The following SHANK2 variants were observed in gnomAD, a reference collection of about 807,000 sequenced individuals.
SHANK2 encodes the protein SH3 and multiple ankyrin repeat domains protein 2.
SHANK2 carries 43 observed loss-of-function variants against 133.7 expected under a neutral mutation model. The ratio of observed to expected loss-of-function variants is 0.32; its 90% confidence interval spans 0.25 to 0.41. SHANK2 has a LOEUF of 0.41. Among genes scored for constraint, SHANK2 ranks in the 10% least tolerant of loss-of-function variants. SHANK2 has a pLI of 1.00. For synonymous variants in SHANK2, 1,017 were observed against 952.8 expected, an observed-to-expected ratio of 1.07 and a Z score of -1.24; for missense variants, 1,994 against 2,235.8, an observed-to-expected ratio of 0.89 and a Z score of 2.18.
intron 17 of SHANK2, among the ~76,000 whole-genome samples, chr11:70,588,668 G>A (rs1202837938): frequency 8.5e-5 from 13 of 152,240 alleles, no homozygotes; most frequent in Admixed American, 8.5e-4. Context: ...CTTCCATCAA[G>A]TTTAAGAAAA....
chr11:71,088,439 G>A (rs1376351566), intron 8 of SHANK2, among the ~76,000 whole-genome samples: 2 of 152,160 alleles, frequency 1.3e-5, no homozygotes, highest in East Asian at 3.9e-4. Context: ...TGACAGTTCT[G>A]TTCACGTGAA....
At chr11:71,111,358 G>A (rs920738755) in intron 5 of SHANK2, among the ~76,000 whole-genome samples, 2 of 152,194 alleles carry the variant, frequency 1.3e-5, no homozygotes, top group Non-Finnish European at 1.5e-5. Flanking sequence ...CCTGGTCCCC[G>A]AGTGGCTCAA....
chr11:70,812,659 C>A (rs1261845973), intron 12 of SHANK2, among the ~76,000 whole-genome samples: 2 of 152,240 alleles, frequency 1.3e-5, no homozygotes, highest in African/African-American at 4.8e-5. Context: ...CCATAGTCAG[C>A]AGCAGAAGCC....
At chr11:70,590,118 C>A (rs782439205) in intron 17 of SHANK2, among the ~76,000 whole-genome samples, 3 of 152,086 alleles carry the variant, frequency 2.0e-5, no homozygotes, top group Non-Finnish European at 4.4e-5. Flanking sequence ...TCAGAGATTG[C>A]GTCACTGCAC....
rs139877705 is a variant in SHANK2, at chr11:70,924,867, C to T, written c.1108-28300G>A. 2.9e-4 allele frequency among the ~76,000 whole-genome samples: 44 copies of T among 152,300 alleles called. No individual in the cohort carries two copies. In the East Asian group the frequency reaches 4.2e-3, roughly 15 times the overall value. On this transcript the variant is annotated intron_variant, in intron 10 of 25. Transcript: ENST00000601538. ...CAGAGAACAGATAAAGGAAAAGCTA[C>T]GCAGACAGCACAGGGTCTGCCACTC... is the stretch of plus-strand genomic sequence containing the variant.
chr11:70,892,656 C>T (rs1403463604), intron 11 of SHANK2, among the ~76,000 whole-genome samples: 1 of 152,166 alleles, frequency 6.6e-6, no homozygotes, highest in African/African-American at 2.4e-5. Context: ...TGGAAAAGTC[C>T]TGAATTTAAG....
chr11:71,129,142 C>G (rs1442177906), intron 3 of SHANK2, among the ~76,000 whole-genome samples: 13 of 152,186 alleles, frequency 8.5e-5, no homozygotes, highest in African/African-American at 3.1e-4. Flanking sequence ...TGGCATTGAA[C>G]AGCATTGGAT....
At chr11:70,942,381 CA>C (rs1950660380) in intron 10 of SHANK2, among the ~76,000 whole-genome samples, 1 of 152,024 alleles carries the variant, frequency 6.6e-6, no homozygotes, top group Non-Finnish European at 1.5e-5. Context: ...TATAACAAGC[CA>C]TTCTTATGGG....
chr11:71,079,333 T>C (rs1466324617), intron 8 of SHANK2, among the ~76,000 whole-genome samples: 1 of 152,230 alleles, frequency 6.6e-6, no homozygotes, highest in Non-Finnish European at 1.5e-5. Context: ...GATCCTCTTC[T>C]ATCAGGGATG....
chr11:70,774,305 G>C (rs538573648), intron 14 of SHANK2, among the ~76,000 whole-genome samples: 1 of 151,874 alleles, frequency 6.6e-6, no homozygotes, highest in African/African-American at 2.4e-5. Context: ...CCGGTAAAGG[G>C]GAAATCGGGG....
intron 14 of SHANK2, among the ~76,000 whole-genome samples, chr11:70,771,753 A>G (rs1947255847): frequency 1.3e-5 from 2 of 152,174 alleles, no homozygotes; most frequent in East Asian, 3.9e-4. Context: ...CACTGTGGCC[A>G]CACACGGCCA....
intron 17 of SHANK2, among the ~76,000 whole-genome samples, chr11:70,567,582 G>A (rs1489471937): frequency 4.6e-5 from 7 of 151,548 alleles, no homozygotes; most frequent in African/African-American, 9.7e-5. Context: ...AGCCAAGGTC[G>A]CACTACTGCA....
At chr11:70,534,471 T>G (rs1183677689) in intron 17 of SHANK2, among the ~76,000 whole-genome samples, 7 of 152,098 alleles carry the variant, frequency 4.6e-5, no homozygotes, top group African/African-American at 1.7e-4. Flanking sequence ...CCAAACCATA[T>G]CAGGCAGTAA....
chr11:70,545,473 AGC>A (rs1554976144), intron 17 of SHANK2, among the ~76,000 whole-genome samples: 1 of 151,992 alleles, frequency 6.6e-6, no homozygotes, highest in Non-Finnish European at 1.5e-5. Flanking sequence ...CGCCCACCTC[AGC>A]GCCCACTGCA....
rs371595099 is a variant in SHANK2 at position 70,889,956 on chromosome 11, G to A, written c.1174+6545C>T. 3.5e-4 allele frequency among the ~76,000 whole-genome samples: 54 copies of A among 152,292 alleles called. 1 individual carries two copies. The East Asian group carries it at 5.4e-3, about 15-fold the overall frequency. ...TGCAACAGCCAGAGAAGCAACGTGT[G>A]TGGAAAAGCCTGTTTTCCTGAGCGG... is the stretch of plus-strand genomic sequence containing the variant. On this transcript the variant is annotated intron_variant, in intron 11 of 25. Coordinates refer to ENST00000601538, the MANE Select transcript of SHANK2 (RefSeq NM_012309.5).
intron 17 of SHANK2, among the ~76,000 whole-genome samples, chr11:70,618,013 TCAGGCTGGGCA>T (rs1232209438): frequency 6.6e-6 from 1 of 152,150 alleles, no homozygotes; most frequent in East Asian, 1.9e-4. Flanking sequence ...GATGTTTGAT[TCAGGCTGGGCA>T]CAGTGGCTCA....
rs112497741 is a variant in SHANK2, at chr11:70,698,759, G to T, written c.1782C>A (p.Thr594=). 1.4e-6 allele frequency: 1 copy of T among 718,596 alleles called. No homozygotes were observed. The highest frequency in any genetic ancestry group is 2.6e-6 in the Non-Finnish European group (1 of 385,088). The allele number at this position is 718,596 out of a possible 1,614,324, so 44.5% of individuals were successfully genotyped here. A position where few individuals can be genotyped will look rare whatever the true frequency, so the allele number is the denominator to read the frequency against. ...AAAGCTTCTTGCTGCGGTCAGCGCGGGTTTCTGTACAGAGAGGGAAGAGAA... is the reference window on the plus strand; with the variant it reads ...AAAGCTTCTTGCTGCGGTCAGCGCGTGTTTCTGTACAGAGAGGGAAGAGAA... ...QCKPRDSQAE[T]RADRSKKLFR... The change falls in exon 15 of 26, where the codon ACC becomes ACA. Residue 594 remains threonine (T), a synonymous_variant. Coordinates refer to ENST00000601538, the MANE Select transcript of SHANK2 (RefSeq NM_012309.5).
intron 2 of SHANK2, among the ~76,000 whole-genome samples, chr11:71,203,637 A>G (rs1356252249): frequency 1.3e-5 from 2 of 152,230 alleles, no homozygotes; most frequent in African/African-American, 4.8e-5. Flanking sequence ...GTCCTTACCC[A>G]GCTCATGGGA....
intron 11 of SHANK2, among the ~76,000 whole-genome samples, chr11:70,848,088 G>A (rs559757563): frequency 3.3e-5 from 5 of 152,342 alleles, no homozygotes; most frequent in South Asian, 4.1e-4. Context: ...TCTGAGGTCC[G>A]CTGGGCTTCA....
Sources: allele counts gnomAD v4.1 joint callset (sites outside exome capture counted in the v4.1 genomes callset), GRCh38; gene constraint gnomAD v4.1.1; transcripts MANE v1.5; gene names NCBI Gene and HGNC (gene_info 2026-07-23, HGNC 2026-07-21).